MICALL2: variants seen among roughly 807,000 people sequenced by gnomAD.
The protein encoded by MICALL2 is MICAL-like protein 2.
Under a neutral mutation model 91.1 loss-of-function variants are expected in MICALL2, and 111 were observed. The observed-to-expected ratio is 1.22, with a 90% confidence interval of 1.04 to 1.43. The LOEUF is 1.43. MICALL2 is among the 40% of genes most tolerant of loss of function. The pLI, the probability that MICALL2 is intolerant of heterozygous loss-of-function variation, is 0.00. For missense variants in MICALL2, 1,556 were observed against 1,236.0 expected (o/e 1.26, Z -3.88); for synonymous variants, 694 against 525.3 (o/e 1.32, Z -4.39).
At chr7:1,443,569 G>A (rs1390735148) in intron 6 of MICALL2, among the ~76,000 whole-genome samples, 1 of 152,190 alleles carries the variant, frequency 6.6e-6, no homozygotes, top group Non-Finnish European at 1.5e-5. Context: ...ATGTTAAGAT[G>A]CACTCACGCT....
At position 1,445,382 on chromosome 7, in the gene MICALL2, T is replaced by G; in HGVS notation, c.688A>C (p.Thr230Pro). Residue 230 changes from threonine to proline, a missense_variant, in exon 6 of 17, where the codon ACA (threonine) becomes CCA (proline). Thr to Pro is a conservative substitution (Grantham distance 38). Transcript: ENST00000297508. ...CTLHSGAYKA[T>P]GEPGTFVCTS... ...CAGACGAAGGTGCCCGGCTCTCCTG[T>G]GGCCTTGTAGGCCCCCGAGTGCAGC... is the stretch of plus-strand genomic sequence containing the variant. The G allele has an allele frequency of 1.3e-6, 2 of 1,580,882 alleles. No homozygotes were observed. Among genetic ancestry groups the G allele is most frequent in the East Asian group, 2.3e-5 (1 of 43,606 alleles).
In MICALL2 at chr7:1,452,370, A is replaced by G. The variant is rs559034426; in HGVS notation, c.144-2082T>C. On this transcript the variant is annotated intron_variant, in intron 1 of 16. Coordinates refer to ENST00000297508, the MANE Select transcript of MICALL2 (RefSeq NM_182924.4). The surrounding 1 kb of genome is among the most constrained non-coding windows in gnomAD (Gnocchi z 6.2). ...GGCTGTCTATGCCCAGGGACTCTGC[A>G]GCCATGCTGGGCGTCAGCCTCAGCC... 5.1e-4 allele frequency among the ~76,000 whole-genome samples: 77 copies of G among 151,522 alleles called. No individual in the cohort carries two copies. The highest frequency in any genetic ancestry group is 9.3e-4 in the Non-Finnish European group (63 of 67,914).
chr7:1,448,980 C>G (rs1386221717), intron 2 of MICALL2, among the ~76,000 whole-genome samples: 2 of 152,254 alleles, frequency 1.3e-5, no homozygotes, highest in Admixed American at 1.3e-4. Flanking sequence ...GTCACCAGGC[C>G]GGTGGGCGCT....
intron 6 of MICALL2, 111 bp from the exon 7 acceptor site, chr7:1,442,595 G>T: frequency 9.1e-7 from 1 of 1,097,074 alleles, no homozygotes; most frequent in Non-Finnish European, 1.3e-6. Context: ...CCCAGCCTCC[G>T]GACGGACTCC....
At chr7:1,438,266 C>A in intron 11 of MICALL2, 23 bp downstream of exon 11, 1 of 1,587,702 alleles carries the variant, frequency 6.3e-7, no homozygotes, top group Non-Finnish European at 8.6e-7. Flanking sequence ...TGGGCCCCTG[C>A]CCGGCTCCCC....
Position 1,439,553 on chromosome 7 carries a change from T to TACACATGC in MICALL2, c.1966+364_1966+371dup, listed in dbSNP as rs940128003. 5 of 220,634 alleles carry TACACATGC rather than the reference T, an allele frequency of 2.3e-5. No homozygotes were observed. In the Admixed American group the frequency reaches 2.3e-4, roughly 10 times the overall value. The allele number at this position is 220,634 out of a possible 1,614,324, so 13.7% of individuals were successfully genotyped here. A position where few individuals can be genotyped will look rare whatever the true frequency, so the allele number is the denominator to read the frequency against. The stretch of plus-strand genomic sequence containing the variant: ...GACACATGGACACGCATCACACATG[T>TACACATGC]ACACATGCATCACACGCATGAACAC... On this transcript the variant is annotated intron_variant, in intron 9 of 16. Transcript: ENST00000297508.
intron 4 of MICALL2, 30 bp from the exon 5 acceptor site, chr7:1,446,858 A>G (rs375826923): frequency 2.0e-6 from 3 of 1,471,410 alleles, no homozygotes; most frequent in Non-Finnish European, 1.8e-6. Context: ...CTCTCTGAGC[A>G]GCCGTCCACC....
chr7:1,459,174 C>T lies in MICALL2; in HGVS notation c.143+10G>A, dbSNP rs762628958. Reference sequence around the variant, plus strand: ...AGCAGAAGAATCAAAGGGCGCCAGGCAGGACTTACATGAGGTCGGGCCGGT... The same window carrying T: ...AGCAGAAGAATCAAAGGGCGCCAGGTAGGACTTACATGAGGTCGGGCCGGT... On this transcript the variant is annotated intron_variant, in intron 1 of 16. Coordinates refer to ENST00000297508, the MANE Select transcript of MICALL2 (RefSeq NM_182924.4). 1 of 1,604,918 alleles carries T rather than the reference C, an allele frequency of 6.2e-7. No homozygotes were observed. The highest frequency in any genetic ancestry group is 1.3e-5 in the African/African-American group (1 of 74,464).
rs773222447 is a variant in MICALL2 at position 1,440,681 on chromosome 7, A to G, written c.1715T>C (p.Met572Thr). 3 of 1,610,408 alleles carry G rather than the reference A, an allele frequency of 1.9e-6. No homozygotes were observed. Among genetic ancestry groups the G allele is most frequent in the East Asian group, 2.2e-5 (1 of 44,842 alleles). The change falls in exon 8 of 17, where the codon ATG becomes ACG. Residue 572 changes from methionine (M) to threonine (T), a missense_variant. Physicochemically the swap from Met to Thr is moderately conservative, Grantham distance 81. Coordinates refer to ENST00000297508, the MANE Select transcript of MICALL2 (RefSeq NM_182924.4). ...CTGGCCTTCCTGGAGGCTGGTGCTC[A>G]TGTCTGGGTGGGAGGCAAGGGGTCT... ...KGKSTTLTQD[M>T]STSLQEGQED...
rs775798992 is a variant in MICALL2, at chr7:1,435,125, G to C, written c.2614C>G (p.Leu872Val). 1.2e-6 allele frequency: 2 copies of C among 1,613,450 alleles called. No individual in the cohort carries two copies. Among genetic ancestry groups the C allele is most frequent in the African/African-American group, 2.7e-5 (2 of 74,906 alleles). Residue 872 changes from leucine (L) to valine (V), a missense_variant, in exon 16 of 17, where the codon CTG (leucine) becomes GTG (valine). Leu to Val is a conservative substitution (Grantham distance 32). Transcript: ENST00000297508. Reference sequence around the variant, plus strand: ...CCCAGCTTCTCAATCATGTCCCGCAGCATCTGATCCTCCTCTTGTTCCCTG... The same window carrying C: ...CCCAGCTTCTCAATCATGTCCCGCACCATCTGATCCTCCTCTTGTTCCCTG... ...RLREQEEDQM[L>V]RDMIEKLGLQ...
Position 1,442,207 on chromosome 7 carries a change from TG to T in MICALL2, c.1695del (p.Ser565ArgfsTer4). 1 of 1,612,604 alleles carries T rather than the reference TG, an allele frequency of 6.2e-7. No homozygotes were observed. The highest frequency in any genetic ancestry group is 8.5e-7 in the Non-Finnish European group (1 of 1,179,882). ...CCTTACTCACCCTGCGTTAAGGTGG[TG>T]CTTTTACCCTTTGCCATCGGGGCCT... ...KPEAPMAKGK[S>X]TTLTQDMSTS... is the part of the protein sequence containing the mutation. On this transcript the variant is annotated frameshift_variant, in exon 7 of 17. Transcript: ENST00000297508. LOFTEE classifies it high-confidence loss of function.
intron 16 of MICALL2, 86 bp downstream of exon 16, chr7:1,435,015 G>C: frequency 2.5e-6 from 2 of 789,618 alleles, no homozygotes; most frequent in South Asian, 2.1e-5. Flanking sequence ...TGGAGGCCCG[G>C]TCCACCCAGC....
chr7:1,455,867 G>A (rs533298573), intron 1 of MICALL2, among the ~76,000 whole-genome samples: 1 of 152,152 alleles, frequency 6.6e-6, no homozygotes, highest in South Asian at 2.1e-4. Flanking sequence ...GGTCTTCACT[G>A]GAAGGAGAGG....
intron 4 of MICALL2, among the ~76,000 whole-genome samples, chr7:1,447,114 G>A (rs767723053): frequency 7.9e-5 from 12 of 152,140 alleles, no homozygotes; most frequent in Non-Finnish European, 1.5e-4. Flanking sequence ...TAGGGGCATG[G>A]ATCCCATCCA....
In MICALL2 at chr7:1,456,355, G is replaced by A. The variant is rs551516404; in HGVS notation, c.143+2829C>T. ...CCAGAACTTTGGGAGGCTGAAGAGG[G>A]CAGATGGATCACTTGAGGTCAGGAG... On this transcript the variant is annotated intron_variant, in intron 1 of 16. Coordinates refer to ENST00000297508, the MANE Select transcript of MICALL2 (RefSeq NM_182924.4). Among the ~76,000 whole-genome samples, 11 of 152,362 alleles carry A rather than the reference G, an allele frequency of 7.2e-5. No individual in the cohort carries two copies. In the South Asian group the frequency reaches 2.3e-3, roughly 32 times the overall value.
intron 13 of MICALL2, 135 bp from the exon 14 acceptor site, chr7:1,437,743 T>C: frequency 8.2e-7 from 1 of 1,220,098 alleles, no homozygotes; most frequent in Non-Finnish European, 1.2e-6. Context: ...GTCCCCCGCC[T>C]GGCCCACCCA....
In MICALL2 at chr7:1,442,267, C is replaced by T. The variant is rs141206892; in HGVS notation, c.1636G>A (p.Gly546Ser). 2.3e-4 allele frequency: 366 copies of T among 1,612,926 alleles called. 1 individual carries two copies. Among genetic ancestry groups the T allele is most frequent in the Middle Eastern group, 1.5e-3 (9 of 6,058 alleles). The change falls in exon 7 of 17, where the codon GGC becomes AGC. Residue 546 changes from glycine to serine, a missense_variant. Coordinates refer to ENST00000297508, the MANE Select transcript of MICALL2 (RefSeq NM_182924.4). ...RRNLAESSGVGRVGAGSRPKP... is the reference protein window; with the variant it reads ...RRNLAESSGVSRVGAGSRPKP... Reference sequence around the variant, plus strand: ...GGCCTGGAGCCAGCACCCACCCTGCCGACCCCTGAGGATTCCGCCAAGTTC... The same window carrying T: ...GGCCTGGAGCCAGCACCCACCCTGCTGACCCCTGAGGATTCCGCCAAGTTC...
chr7:1,450,776 T>C (rs546582289), intron 1 of MICALL2, among the ~76,000 whole-genome samples: 2 of 152,336 alleles, frequency 1.3e-5, no homozygotes, highest in South Asian at 4.1e-4. Context: ...CCAGCCACGC[T>C]GCCCCCGAGG....
chr7:1,442,740 G>A (rs1226643892), intron 6 of MICALL2, among the ~76,000 whole-genome samples: 2 of 151,752 alleles, frequency 1.3e-5, no homozygotes, highest in Admixed American at 6.6e-5. Context: ...GCAAGGCACA[G>A]GCCACAGACA....
Sources: gnomAD v4.1 joint callset for allele counts (sites outside exome capture counted in the v4.1 genomes callset) on GRCh38, gnomAD v4.1.1 for gene constraint, Gnocchi (gnomAD v3.1) non-coding constraint, MANE v1.5 for transcripts, NCBI Gene and HGNC (gene_info 2026-07-23, HGNC 2026-07-21) for gene names.